Variants in SCNN1D observed in about 807,000 individuals in gnomAD.
The protein encoded by SCNN1D is sodium channel epithelial 1 subunit delta, also known as epithelial sodium channel subunit delta.
SCNN1D carries 104 observed loss-of-function variants against 87.8 expected under a neutral mutation model. The ratio of observed to expected loss-of-function variants is 1.18; its 90% confidence interval spans 1.01 to 1.39. The LOEUF (loss-of-function observed/expected upper bound fraction) is 1.39. SCNN1D is among the 40% of genes most tolerant of loss of function. SCNN1D has a pLI of 0.00. For synonymous variants in SCNN1D, 628 were observed against 481.2 expected (o/e 1.31, Z -3.99); for missense variants, 1,324 against 1,093.9 (o/e 1.21, Z -2.97).
rs1001506065 is a variant in SCNN1D, at chr1:1,284,539, T to C, written c.464+449T>C. On this transcript the variant is annotated intron_variant, in intron 5 of 17. Coordinates refer to ENST00000379116, the MANE Select transcript of SCNN1D (RefSeq NM_001130413.4). ...ACCACTGGGGGTGCCGAGCGTGTGC[T>C]GGACCACGGGGGGTGCACAGCGTGT... Among the ~76,000 whole-genome samples, 4 of 147,940 alleles carry C rather than the reference T, an allele frequency of 2.7e-5. No individual in the cohort carries two copies. In the East Asian group the frequency reaches 6.0e-4, roughly 22 times the overall value.
chr1:1,280,507 C>T lies in SCNN1D; in HGVS notation c.-155C>T, dbSNP rs898101467. On this transcript the variant is annotated 5_prime_UTR_variant, in exon 1 of 18. Transcript: ENST00000379116. The stretch of plus-strand genomic sequence containing the variant: ...AGTTGTTATCAGTAGAAGGGAATGT[C>T]TGGTTACAGTATGGCGTTGTGCAGA... The T allele has an allele frequency of 7.5e-6, 4 of 535,558 alleles. No homozygotes were observed. The African/African-American group carries it at 7.7e-5, about 10-fold the overall frequency. The allele number at this position is 535,558 out of a possible 1,614,324, so 33.2% of individuals were successfully genotyped here.
chr1:1,287,856 CAA>C lies in SCNN1D; in HGVS notation c.1563+21_1563+22del. ...CGAGAGGTGAGCTGGCCTCTGCAGC[CAA>C]CCTCCGGCCCAGGCCTCCTGCCCAA... On this transcript the variant is annotated intron_variant, in intron 11 of 17. Coordinates refer to ENST00000379116, the MANE Select transcript of SCNN1D (RefSeq NM_001130413.4). 2 of 1,522,678 alleles carry C rather than the reference CAA, an allele frequency of 1.3e-6. No individual in the cohort carries two copies. Among genetic ancestry groups the C allele is most frequent in the Non-Finnish European group, 1.8e-6 (2 of 1,128,478 alleles). The allele number at this position is 1,522,678 out of a possible 1,614,324, so 94.3% of individuals were successfully genotyped here.
At chr1:1,288,258 C>CCT (rs1553160025) in intron 12 of SCNN1D, among the ~76,000 whole-genome samples, 5 of 128,098 alleles carry the variant, frequency 3.9e-5, no homozygotes, top group African/African-American at 1.6e-4. Flanking sequence ...TGCTCCGTCC[C>CCT]GTGTCTCTGC....
At chr1:1,288,699 TCC>T (rs772458790) in intron 12 of SCNN1D, among the ~76,000 whole-genome samples, 6 of 8,552 alleles carry the variant, frequency 7.0e-4, no homozygotes, top group Non-Finnish European at 8.6e-4. Context: ...CCCTGCTCCG[TCC>T]CCCGAGTCTC....
Position 1,290,511 on chromosome 1 carries a change from G to A in SCNN1D, c.1815G>A (p.Glu605=), listed in dbSNP as rs764083940. 5 of 1,612,562 alleles carry A rather than the reference G, an allele frequency of 3.1e-6. No individual in the cohort carries two copies. Among genetic ancestry groups the A allele is most frequent in the Non-Finnish European group, 4.2e-6 (5 of 1,179,934 alleles). The change falls in exon 14 of 18, where the codon GAG becomes GAA. Residue 605 remains glutamate, a synonymous_variant. Coordinates refer to ENST00000379116, the MANE Select transcript of SCNN1D (RefSeq NM_001130413.4). ...TCTACCGCCTCTACCAGGACCTGGA[G>A]ACCCACCGGCTCCCCTGTACCTCCC... ...HCFYRLYQDL[E]THRLPCTSRC... is the part of the protein sequence containing the mutation.
Position 1,290,498 on chromosome 1 carries a change from A to G in SCNN1D, c.1802A>G (p.Tyr601Cys). The G allele has an allele frequency of 1.2e-6, 2 of 1,612,394 alleles. No individual in the cohort carries two copies. Among genetic ancestry groups the G allele is most frequent in the South Asian group, 2.2e-5 (2 of 91,074 alleles). ...PAWGHCFYRL[Y>C]QDLETHRLPC... ...CAAGGACACTGCTTCTACCGCCTCT[A>G]CCAGGACCTGGAGACCCACCGGCTC... Residue 601 changes from tyrosine (Y) to cysteine (C), a missense_variant, in exon 14 of 18, where the codon TAC (tyrosine) becomes TGC (cysteine). Tyr to Cys is a radical substitution (Grantham distance 194). Coordinates refer to ENST00000379116, the MANE Select transcript of SCNN1D (RefSeq NM_001130413.4).
At position 1,280,680 on chromosome 1, in the gene SCNN1D, C is replaced by A; in HGVS notation, c.5+14C>A. 2.8e-6 allele frequency: 2 copies of A among 701,828 alleles called. No homozygotes were observed. The highest frequency in any genetic ancestry group is 5.4e-5 in the East Asian group (2 of 37,254). The allele number at this position is 701,828 out of a possible 1,614,324, so 43.5% of individuals were successfully genotyped here. On this transcript the variant is annotated intron_variant, in intron 1 of 17. Coordinates refer to ENST00000379116, the MANE Select transcript of SCNN1D (RefSeq NM_001130413.4). ...AGGAGGCATGAGGTGCGTCCGACTC[C>A]CTTCCCATCACAGCTGAGCTAGTTT...
chr1:1,280,731 G>T, intron 1 of SCNN1D, 65 bp downstream of exon 1: 1 of 696,736 alleles, frequency 1.4e-6, no homozygotes, highest in South Asian at 1.5e-5. Context: ...GAATGCCCAT[G>T]GCTAAGACCA....
At chr1:1,283,485 G>A (rs927178631) in intron 4 of SCNN1D, among the ~76,000 whole-genome samples, 4 of 152,128 alleles carry the variant, frequency 2.6e-5, no homozygotes, top group African/African-American at 9.7e-5. Context: ...GATCACCTGA[G>A]GTTGGGAGTT....
At chr1:1,286,403 C>T (rs767390385) in intron 7 of SCNN1D, 125 bp downstream of exon 7, 2 of 781,914 alleles carry the variant, frequency 2.6e-6, no homozygotes, top group Non-Finnish European at 4.0e-6. Flanking sequence ...CAATGCCACC[C>T]TCCTGGTCAC....
intron 15 of SCNN1D, 51 bp from the exon 16 acceptor site, chr1:1,290,844 A>C: frequency 6.3e-7 from 1 of 1,599,156 alleles, no homozygotes. Context: ...GGTACCCAGG[A>C]TGGCCGGGGG....
chr1:1,290,605 C>A (rs371181786), intron 14 of SCNN1D, 32 bp from the exon 15 acceptor site: 1 of 1,612,438 alleles, frequency 6.2e-7, no homozygotes, highest in Non-Finnish European at 8.5e-7. Context: ...CCCCAGGTAG[C>A]GTGGCAGGTG....
chr1:1,291,149 TG>T lies in SCNN1D; in HGVS notation c.2052+11del. 1 of 1,610,726 alleles carries T rather than the reference TG, an allele frequency of 6.2e-7. No homozygotes were observed. Among genetic ancestry groups the T allele is most frequent in the Non-Finnish European group, 8.5e-7 (1 of 1,179,074 alleles). On this transcript the variant is annotated intron_variant, in intron 17 of 17. Coordinates refer to ENST00000379116, the MANE Select transcript of SCNN1D (RefSeq NM_001130413.4). ...AGGCGCCCGTGTACTCGGTGAGCCT[TG>T]GCCCCCTGCCTGGGCTAGAGCGGGG...
chr1:1,286,880 G>T lies in SCNN1D; in HGVS notation c.1024G>T (p.Val342Phe). Residue 342 changes from valine (V) to phenylalanine (F), a missense_variant, in exon 8 of 18, where the codon GTC (valine) becomes TTC (phenylalanine). Physicochemically the swap from Val to Phe is conservative, Grantham distance 50. Coordinates refer to ENST00000379116, the MANE Select transcript of SCNN1D (RefSeq NM_001130413.4). ...AGGCAGAGCCGCCCTCTCCGCCACTGTCCCCCGCCACGAGCCCCCCTTCCA... is the reference window on the plus strand; with the variant it reads ...AGGCAGAGCCGCCCTCTCCGCCACTTTCCCCCGCCACGAGCCCCCCTTCCA... ...SKGRAALSATVPRHEPPFHLD... is the reference protein window; with the variant it reads ...SKGRAALSATFPRHEPPFHLD... 1 of 1,612,528 alleles carries T rather than the reference G, an allele frequency of 6.2e-7. No individual in the cohort carries two copies. The highest frequency in any genetic ancestry group is 2.2e-5 in the East Asian group (1 of 44,872).
rs947687858 is a variant in SCNN1D, at chr1:1,286,358, T to C, written c.911+80T>C. On this transcript the variant is annotated intron_variant, in intron 7 of 17. Transcript: ENST00000379116. ...TGACCGTCTCTAACCGAAGCCCCAC[T>C]GGCCCCTGTAGCCGAGGAGGGGGCT... 14 of 1,168,352 alleles carry C rather than the reference T, an allele frequency of 1.2e-5. No individual in the cohort carries two copies. In the African/African-American group the frequency reaches 2.0e-4, roughly 17 times the overall value. The allele number at this position is 1,168,352 out of a possible 1,614,324, so 72.4% of individuals were successfully genotyped here. A position where few individuals can be genotyped will look rare whatever the true frequency, so the allele number is the denominator to read the frequency against.
chr1:1,291,524 C>A lies in SCNN1D; in HGVS notation c.2323C>A (p.Arg775=), dbSNP rs200409117. The change falls in exon 18 of 18, where the codon CGG becomes AGG. Residue 775 remains arginine (R), a synonymous_variant. Coordinates refer to ENST00000379116, the MANE Select transcript of SCNN1D (RefSeq NM_001130413.4). ...GGAGCCCAGCGGGCCTCATCTCCCACGGGTGATGCTTCCAGGGGTTCTGGC... is the reference window on the plus strand; with the variant it reads ...GGAGCCCAGCGGGCCTCATCTCCCAAGGGTGATGCTTCCAGGGGTTCTGGC... ...DPEPSGPHLP[R]VMLPGVLAGV... is the part of the protein sequence containing the mutation. 6.2e-7 allele frequency: 1 copy of A among 1,606,438 alleles called. No homozygotes were observed. Among genetic ancestry groups the A allele is most frequent in the Non-Finnish European group, 8.5e-7 (1 of 1,175,784 alleles).
chr1:1,290,519 G>A lies in SCNN1D; in HGVS notation c.1823G>A (p.Arg608Gln), dbSNP rs79943571. ...YRLYQDLETH[R>Q]LPCTSRCPRP... ...CTCTACCAGGACCTGGAGACCCACC[G>A]GCTCCCCTGTACCTCCCGCTGCCCC... Residue 608 changes from arginine to glutamine, a missense_variant, in exon 14 of 18, where the codon CGG (arginine) becomes CAG (glutamine). By Grantham distance (43) the Arg-to-Gln change is conservative (BLOSUM62 1). Coordinates refer to ENST00000379116, the MANE Select transcript of SCNN1D (RefSeq NM_001130413.4). 11,071 of 1,612,594 alleles carry A rather than the reference G, an allele frequency of 6.9e-3. 55 individuals are homozygous for A. Among genetic ancestry groups the A allele is most frequent in the Middle Eastern group, 9.1e-3 (55 of 6,060 alleles).
At chr1:1,287,030 C>G in intron 8 of SCNN1D, 55 bp downstream of exon 8, 1 of 1,584,754 alleles carries the variant, frequency 6.3e-7, no homozygotes, top group African/African-American at 1.3e-5. Context: ...GGGAGCACGG[C>G]CCTGCGCTGC....
rs920859010 is a variant in SCNN1D, at chr1:1,291,665, G to A, written c.*55G>A. The A allele has an allele frequency of 3.7e-6, 5 of 1,366,888 alleles. No homozygotes were observed. Among genetic ancestry groups the A allele is most frequent in the Non-Finnish European group, 4.9e-6 (5 of 1,018,418 alleles). The allele number at this position is 1,366,888 out of a possible 1,614,324, so 84.7% of individuals were successfully genotyped here. On this transcript the variant is annotated 3_prime_UTR_variant, in exon 18 of 18. Transcript: ENST00000379116. The stretch of plus-strand genomic sequence containing the variant: ...TGGCCTGGTCCTTGCAGCTGTGGCA[G>A]CAGCAGGCTCCCCAGCGGCCCAGGG...
Sources: allele counts gnomAD v4.1 joint callset (sites outside exome capture counted in the v4.1 genomes callset), GRCh38; gene constraint gnomAD v4.1.1; transcripts MANE v1.5; gene names NCBI Gene and HGNC (gene_info 2026-07-23, HGNC 2026-07-21).